MEGF11: variants seen among roughly 807,000 people sequenced by gnomAD.
MEGF11 encodes multiple epidermal growth factor-like domains protein 11.
A neutral mutation model predicts 146.6 loss-of-function variants in MEGF11; 126 were observed. The ratio of observed to expected loss-of-function variants is 0.86; its 90% CI spans 0.74 to 1.00. The LOEUF (loss-of-function observed/expected upper bound fraction) is 1.00, where lower values mean the gene tolerates loss of function less well. MEGF11 is among the 50% of genes least tolerant of loss of function. The pLI is 0.00. For synonymous variants in MEGF11, 532 were observed against 583.4 expected (o/e 0.91, Z 1.27); for missense variants, 1,509 against 1,521.2 (o/e 0.99, Z 0.13).
At chr15:66,177,805 C>G (rs61212481) in intron 1 of MEGF11, among the ~76,000 whole-genome samples, 1 of 151,742 alleles carries the variant, frequency 6.6e-6, no homozygotes, top group African/African-American at 2.4e-5. Flanking sequence ...CTTCCTCAGC[C>G]CCTAGTGTAG....
At chr15:66,005,975 G>A (rs184201988) in intron 5 of MEGF11, among the ~76,000 whole-genome samples, 304 of 152,290 alleles carry the variant, frequency 2.0e-3, no homozygotes, top group Middle Eastern at 3.4e-3. Flanking sequence ...TCGATCCACC[G>A]AAATGGCTGT....
At chr15:66,054,454 CT>C (rs778474438) in intron 5 of MEGF11, among the ~76,000 whole-genome samples, 1 of 152,210 alleles carries the variant, frequency 6.6e-6, no homozygotes, top group Non-Finnish European at 1.5e-5. Flanking sequence ...AACTCCTGGC[CT>C]TTGAATGTGC....
chr15:66,238,167 G>A (rs951293781), intron 1 of MEGF11, among the ~76,000 whole-genome samples: 1 of 152,196 alleles, frequency 6.6e-6, no homozygotes, highest in Admixed American at 6.5e-5. Flanking sequence ...AATAGGGCCA[G>A]CCCTGCATCC....
intron 5 of MEGF11, among the ~76,000 whole-genome samples, chr15:66,049,752 C>T (rs2084375485): frequency 1.3e-5 from 2 of 152,090 alleles, no homozygotes; most frequent in Non-Finnish European, 2.9e-5. Flanking sequence ...TGGGATGGGG[C>T]CCAGAGCTTC....
At chr15:66,130,750 A>AAGGAAGGAAGGAAGGC (rs2088613584) in intron 1 of MEGF11, among the ~76,000 whole-genome samples, 2 of 151,906 alleles carry the variant, frequency 1.3e-5, no homozygotes, top group African/African-American at 4.8e-5. Flanking sequence ...GGAAGGAAGG[A>AAGGAAGGAAGGAAGGC]AGGAAGGAAA....
intron 5 of MEGF11, among the ~76,000 whole-genome samples, chr15:66,049,604 AAC>A (rs565069697): frequency 1.1e-3 from 163 of 152,230 alleles, no homozygotes; most frequent in African/African-American, 3.8e-3. Context: ...GCTGCATGTT[AAC>A]GGGTTTGCTG....
intron 5 of MEGF11, among the ~76,000 whole-genome samples, chr15:66,066,548 G>A (rs766550418): frequency 1.6e-4 from 24 of 152,222 alleles, no homozygotes; most frequent in Non-Finnish European, 2.2e-4. Flanking sequence ...CTGGCTGCCC[G>A]CCCTGGGTCC....
intron 5 of MEGF11, among the ~76,000 whole-genome samples, chr15:66,067,585 C>A (rs1398848443): frequency 6.6e-6 from 1 of 152,238 alleles, no homozygotes; most frequent in Middle Eastern, 3.2e-3. Context: ...TGCCTTTGGC[C>A]AACCAGACCT....
chr15:65,926,031 G>A (rs967581226), intron 13 of MEGF11, among the ~76,000 whole-genome samples: 4 of 152,204 alleles, frequency 2.6e-5, no homozygotes, highest in African/African-American at 9.7e-5. Context: ...TTATGGACAG[G>A]ATGCCATCTT....
chr15:66,141,399 A>G (rs1157849195), intron 1 of MEGF11, among the ~76,000 whole-genome samples: 1 of 151,790 alleles, frequency 6.6e-6, no homozygotes, highest in Non-Finnish European at 1.5e-5. Flanking sequence ...CTATTGTGAG[A>G]AAAGAGAAGA....
intron 1 of MEGF11, among the ~76,000 whole-genome samples, chr15:66,140,670 T>C (rs965184144): frequency 6.6e-6 from 1 of 152,004 alleles, no homozygotes; most frequent in African/African-American, 2.4e-5. Context: ...TGCTAAGCCA[T>C]GGGAGGCCTC....
At chr15:66,057,881 T>A (rs2084744539) in intron 5 of MEGF11, among the ~76,000 whole-genome samples, 1 of 152,178 alleles carries the variant, frequency 6.6e-6, no homozygotes, top group African/African-American at 2.4e-5. Context: ...TCTCAATACT[T>A]TATTGTAATA....
intron 5 of MEGF11, among the ~76,000 whole-genome samples, chr15:65,994,432 G>T (rs1204258219): frequency 6.6e-6 from 1 of 152,206 alleles, no homozygotes; most frequent in Non-Finnish European, 1.5e-5. Context: ...GCTCCCTGGT[G>T]GGCCCACGGA....
chr15:65,910,121 G>A, intron 21 of MEGF11: 5 of 513,260 alleles, frequency 9.7e-6, no homozygotes, highest in South Asian at 6.8e-5. Context: ...CTGAGCTTTA[G>A]GAGAGGGGCC....
At chr15:65,965,606 T>TCTGTC (rs1567180096) in intron 8 of MEGF11, among the ~76,000 whole-genome samples, 1 of 89,258 alleles carries the variant, frequency 1.1e-5, no homozygotes, top group Non-Finnish European at 2.5e-5. Context: ...CTTTCTTTTT[T>TCTGTC]TTTTTTCTTT....
At chr15:66,229,776 G>C (rs1490290964) in intron 1 of MEGF11, among the ~76,000 whole-genome samples, 2 of 152,160 alleles carry the variant, frequency 1.3e-5, no homozygotes, top group Non-Finnish European at 2.9e-5. Context: ...CAGCTGGGTG[G>C]AGGCCCCAGG....
At chr15:66,110,427 T>C (rs1485156023) in intron 4 of MEGF11, among the ~76,000 whole-genome samples, 2 of 152,170 alleles carry the variant, frequency 1.3e-5, no homozygotes, top group African/African-American at 4.8e-5. Flanking sequence ...CCACGGTGGC[T>C]GCATTAACTT....
At chr15:66,201,462 G>A (rs1198048845) in intron 1 of MEGF11, among the ~76,000 whole-genome samples, 4 of 152,188 alleles carry the variant, frequency 2.6e-5, no homozygotes, top group South Asian at 2.1e-4. Flanking sequence ...TGAGGCACAC[G>A]GCACCCAGGG....
At chr15:66,132,807 T>C (rs2088706869) in intron 1 of MEGF11, among the ~76,000 whole-genome samples, 1 of 152,190 alleles carries the variant, frequency 6.6e-6, no homozygotes, top group Admixed American at 6.5e-5. Context: ...TGGCCTTGGC[T>C]CTTCCTTCTG....
Sources: gnomAD v4.1 joint callset for allele counts (sites outside exome capture counted in the v4.1 genomes callset) on GRCh38, gnomAD v4.1.1 for gene constraint, MANE v1.5 for transcripts, NCBI Gene and HGNC (gene_info 2026-07-23, HGNC 2026-07-21) for gene names.